Variants in SNX10 observed in about 807,000 individuals in gnomAD.
SNX10 encodes sorting nexin 10.
In SNX10, 25 loss-of-function variants were observed where a neutral mutation model predicts 28.5. That is an observed-to-expected ratio of 0.88 (90% CI 0.64 to 1.22). The LOEUF is 1.22. Ranked by LOEUF, SNX10 falls within the 50% of genes most tolerant of loss-of-function variation. The pLI is 0.00. For missense variants in SNX10, 223 were observed against 242.6 expected, an observed-to-expected ratio of 0.92 and a Z score of 0.54; for synonymous variants, 62 against 81.4, an observed-to-expected ratio of 0.76 and a Z score of 1.28.
chr7:26,304,750 A>G (rs1417234377), intron 1 of SNX10, among the ~76,000 whole-genome samples: 3 of 152,234 alleles, frequency 2.0e-5, no homozygotes, highest in Admixed American at 6.5e-5. Context: ...TTTGCTTTTC[A>G]GTGCATTCCT....
chr7:26,329,814 G>C (rs911325639), intron 1 of SNX10, among the ~76,000 whole-genome samples: 2 of 152,210 alleles, frequency 1.3e-5, no homozygotes, highest in African/African-American at 4.8e-5. Flanking sequence ...CGGCACAGGA[G>C]AGAAAATAGG....
chr7:26,362,082 T>A (rs1789098728), intron 3 of SNX10, among the ~76,000 whole-genome samples: 1 of 152,226 alleles, frequency 6.6e-6, no homozygotes. Context: ...TTTTTTAAAT[T>A]CTCCTTTCTT....
intron 1 of SNX10, among the ~76,000 whole-genome samples, chr7:26,339,330 G>A (rs1788079433): frequency 6.6e-6 from 1 of 152,148 alleles, no homozygotes; most frequent in South Asian, 2.1e-4. Context: ...TTGAGGTCAA[G>A]TGATCCTCCC....
chr7:26,323,251 A>C (rs1162801444), intron 1 of SNX10, among the ~76,000 whole-genome samples: 1 of 152,118 alleles, frequency 6.6e-6, no homozygotes, highest in Non-Finnish European at 1.5e-5. Flanking sequence ...TCCTGTCTCA[A>C]AACCAAACAA....
At chr7:26,349,641 T>C (rs1263342630) in intron 2 of SNX10, among the ~76,000 whole-genome samples, 2 of 152,218 alleles carry the variant, frequency 1.3e-5, no homozygotes, top group South Asian at 2.1e-4. Flanking sequence ...TTACATATTT[T>C]AATAAGAATA....
intron 3 of SNX10, 147 bp downstream of exon 3, chr7:26,361,208 T>G: frequency 1.3e-6 from 1 of 779,190 alleles, no homozygotes; most frequent in Non-Finnish European, 1.9e-6. Context: ...TTACATGAAC[T>G]AGTAAGATGG....
At chr7:26,353,704 G>A (rs1297599642) in intron 2 of SNX10, among the ~76,000 whole-genome samples, 3 of 152,154 alleles carry the variant, frequency 2.0e-5, no homozygotes, top group Middle Eastern at 3.4e-3. Context: ...TGCCTGCCTT[G>A]GCCTCCCAAA....
At chr7:26,312,954 C>A (rs1228472814) in intron 1 of SNX10, among the ~76,000 whole-genome samples, 1 of 152,180 alleles carries the variant, frequency 6.6e-6, no homozygotes, top group Non-Finnish European at 1.5e-5. Context: ...TACAGGAAAA[C>A]AACCCACTCA....
intron 1 of SNX10, among the ~76,000 whole-genome samples, chr7:26,326,690 T>C (rs193117994): frequency 5.3e-5 from 8 of 152,314 alleles, no homozygotes; most frequent in Admixed American, 5.2e-4. Context: ...ATAATATTAG[T>C]ACCTATCATT....
chr7:26,340,442 A>G (rs1365603459), intron 1 of SNX10, among the ~76,000 whole-genome samples: 3 of 152,256 alleles, frequency 2.0e-5, no homozygotes, highest in Non-Finnish European at 4.4e-5. Context: ...CCCTCTACAG[A>G]AAAAGATTGC....
At chr7:26,324,005 T>C (rs1787404060) in intron 1 of SNX10, among the ~76,000 whole-genome samples, 1 of 152,170 alleles carries the variant, frequency 6.6e-6, no homozygotes, top group Non-Finnish European at 1.5e-5. Flanking sequence ...CTAATAGTAA[T>C]TGTATTTTTG....
chr7:26,369,200 G>A (rs1789409433), intron 5 of SNX10, among the ~76,000 whole-genome samples: 1 of 152,000 alleles, frequency 6.6e-6, no homozygotes, highest in South Asian at 2.1e-4. Context: ...TTTAAATGGA[G>A]GTTTCTACAA....
At chr7:26,355,088 G>T (rs1584161114) in intron 2 of SNX10, among the ~76,000 whole-genome samples, 1 of 152,162 alleles carries the variant, frequency 6.6e-6, no homozygotes, top group African/African-American at 2.4e-5. Context: ...TTTGTTGAGA[G>T]GCTTTTCCTT....
At chr7:26,325,329 T>TATATATATATATATATATATATATATA (rs1345177484) in intron 1 of SNX10, among the ~76,000 whole-genome samples, 1 of 14,970 alleles carries the variant, frequency 6.7e-5, no homozygotes, top group Non-Finnish European at 2.9e-4. Context: ...ATATATATAT[T>TATATATATATATATATATATATATATA]TGAGATGGAG....
At chr7:26,351,719 C>A (rs1027201796) in intron 2 of SNX10, among the ~76,000 whole-genome samples, 1 of 132,818 alleles carries the variant, frequency 7.5e-6, no homozygotes. Context: ...TGCAGTGGTG[C>A]GATCTCGACT....
rs375430351 is a variant in SNX10 at position 26,294,936 on chromosome 7, A to C, written c.-24+2850A>C. On this transcript the variant is annotated intron_variant, in intron 1 of 6. Coordinates refer to ENST00000338523, the MANE Select transcript of SNX10 (RefSeq NM_013322.3). ...GTAACTCTCAGCCACCCACCTGCGA[A>C]TGTAAAGGGCTTAGCCAGGCTTCAG... Among the ~76,000 whole-genome samples, 19 of 152,330 alleles carry C rather than the reference A, an allele frequency of 1.2e-4. 1 individual carries two copies. The highest frequency in any genetic ancestry group is 1.2e-3 in the East Asian group (6 of 5,184).
chr7:26,321,797 T>C (rs975940742), intron 1 of SNX10, among the ~76,000 whole-genome samples: 1 of 151,820 alleles, frequency 6.6e-6, no homozygotes, highest in African/African-American at 2.4e-5. Flanking sequence ...CCTTAAGAGA[T>C]GGGGTCTTGC....
chr7:26,325,282 AT>A (rs1279959969), intron 1 of SNX10, among the ~76,000 whole-genome samples: 1 of 83,830 alleles, frequency 1.2e-5, no homozygotes, highest in African/African-American at 3.6e-5. Flanking sequence ...CTGGATTTGA[AT>A]TTTTTTCTAC....
intron 1 of SNX10, among the ~76,000 whole-genome samples, chr7:26,342,302 C>T (rs909164636): frequency 3.3e-5 from 5 of 152,292 alleles, no homozygotes; most frequent in Admixed American, 1.3e-4. Flanking sequence ...GTTGGGATTA[C>T]AGGCGTGAGC....
Sources: gnomAD v4.1 joint callset for allele counts (sites outside exome capture counted in the v4.1 genomes callset) on GRCh38, gnomAD v4.1.1 for gene constraint, MANE v1.5 for transcripts, NCBI Gene and HGNC (gene_info 2026-07-23, HGNC 2026-07-21) for gene names.